MSRB3: variants seen among roughly 807,000 people sequenced by gnomAD.
MSRB3 encodes methionine sulfoxide reductase B3.
A neutral mutation model predicts 21.0 loss-of-function variants in MSRB3; 13 were observed. The ratio of observed to expected loss-of-function variants is 0.62; its 90% confidence interval spans 0.40 to 0.98. MSRB3 has a LOEUF of 0.98. Ranked by LOEUF, MSRB3 falls within the 50% of genes least tolerant of loss-of-function variation. MSRB3 has a pLI of 0.00. For synonymous variants in MSRB3, 87 were observed against 88.6 expected (o/e 0.98, Z 0.10); for missense variants, 199 against 230.3 (o/e 0.86, Z 0.88).
At chr12:65,311,402 T>A (rs989704203) in intron 2 of MSRB3, among the ~76,000 whole-genome samples, 2 of 152,144 alleles carry the variant, frequency 1.3e-5, no homozygotes, top group Non-Finnish European at 2.9e-5. Context: ...GTTATGAAAG[T>A]CAGTCTTTGG....
chr12:65,435,558 T>C (rs1882076061), intron 5 of MSRB3, among the ~76,000 whole-genome samples: 1 of 151,934 alleles, frequency 6.6e-6, no homozygotes, highest in South Asian at 2.1e-4. Flanking sequence ...GAGTAGTACA[T>C]CAAGTTTCTT....
intron 5 of MSRB3, among the ~76,000 whole-genome samples, chr12:65,406,776 G>T (rs1880436911): frequency 6.6e-6 from 1 of 152,150 alleles, no homozygotes; most frequent in African/African-American, 2.4e-5. Context: ...AATGTTAAGA[G>T]CTGGGGTCAT....
At chr12:65,413,777 G>T (rs1206148445) in intron 5 of MSRB3, among the ~76,000 whole-genome samples, 1 of 152,036 alleles carries the variant, frequency 6.6e-6, no homozygotes, top group Admixed American at 6.6e-5. Flanking sequence ...GGAGGTAACT[G>T]CTATTAAAAA....
intron 5 of MSRB3, among the ~76,000 whole-genome samples, chr12:65,392,630 C>T (rs1015749518): frequency 4.6e-5 from 7 of 152,142 alleles, no homozygotes; most frequent in Admixed American, 1.3e-4. Flanking sequence ...CCAAGAAATG[C>T]GATCCTCTCA....
chr12:65,445,292 A>G (rs148435591), intron 5 of MSRB3, among the ~76,000 whole-genome samples: 1 of 151,950 alleles, frequency 6.6e-6, no homozygotes, highest in Non-Finnish European at 1.5e-5. Flanking sequence ...TCTGATATAT[A>G]CGTTTCCATG....
At chr12:65,367,932 T>C (rs376439451) in intron 4 of MSRB3, among the ~76,000 whole-genome samples, 1 of 120,410 alleles carries the variant, frequency 8.3e-6, no homozygotes, top group African/African-American at 2.9e-5. Context: ...CACACACACA[T>C]ACACACAATC....
Position 65,455,353 on chromosome 12 carries a change from A to C in MSRB3, c.390+1528A>C, listed in dbSNP as rs142359896. Reference sequence around the variant, plus strand: ...TTTATCTGAATCACATTTTCAGCTCACTCTTGTTTCTCAGAGTGGAGTCTC... The same window carrying C: ...TTTATCTGAATCACATTTTCAGCTCCCTCTTGTTTCTCAGAGTGGAGTCTC... On this transcript the variant is annotated intron_variant, in intron 6 of 6. Coordinates refer to ENST00000308259, the MANE Select transcript of MSRB3 (RefSeq NM_001031679.3). 1.9e-4 allele frequency among the ~76,000 whole-genome samples: 29 copies of C among 151,726 alleles called. No individual in the cohort carries two copies. The East Asian group carries it at 4.9e-3, about 25-fold the overall frequency.
chr12:65,338,748 A>G (rs1287596251), intron 4 of MSRB3, among the ~76,000 whole-genome samples: 2 of 152,202 alleles, frequency 1.3e-5, no homozygotes, highest in South Asian at 4.1e-4. Context: ...TTTTTCCTCC[A>G]GGCATTTGCC....
intron 5 of MSRB3, among the ~76,000 whole-genome samples, chr12:65,441,888 C>T (rs1882398524): frequency 6.6e-6 from 1 of 151,978 alleles, no homozygotes; most frequent in Admixed American, 6.6e-5. Flanking sequence ...CATGTATCTG[C>T]CTGCCACAAA....
Position 65,464,041 on chromosome 12 carries a change from A to C in MSRB3, c.*719A>C, listed in dbSNP as rs1032043312. On this transcript the variant is annotated 3_prime_UTR_variant, in exon 7 of 7. Transcript: ENST00000308259. ...TGTGATCCCAGCACTTTGGGAGGCC[A>C]AGGCGGGTGGATCACGAGGTCAGGA... 6.6e-6 allele frequency: 1 copy of C among 152,290 alleles called. No homozygotes were observed. Among genetic ancestry groups the C allele is most frequent in the Non-Finnish European group, 1.5e-5 (1 of 68,128 alleles). 9.4% of individuals were successfully genotyped at this position (152,290 alleles called of 1,614,324 possible).
Position 65,463,340 on chromosome 12 carries a change from G to A in MSRB3, c.*18G>A, listed in dbSNP as rs1459559386. ...AGCTCTAGAGTAATGGAGAGTGATG[G>A]AAACAAAGTGTACTTAATGCACAGC... On this transcript the variant is annotated 3_prime_UTR_variant, in exon 7 of 7. Transcript: ENST00000308259. 1 of 1,613,964 alleles carries A rather than the reference G, an allele frequency of 6.2e-7. No homozygotes were observed.
chr12:65,308,698 A>G (rs1359865949), intron 2 of MSRB3, 43 bp downstream of exon 2: 10 of 1,613,386 alleles, frequency 6.2e-6, no homozygotes, highest in Non-Finnish European at 6.8e-6. Context: ...CACAGGGCCA[A>G]CTGGGTGTTT....
intron 5 of MSRB3, among the ~76,000 whole-genome samples, chr12:65,422,936 T>C (rs1222570053): frequency 6.6e-6 from 1 of 151,270 alleles, no homozygotes; most frequent in African/African-American, 2.4e-5. Context: ...TTTTAACAGG[T>C]TTTTGGTGGC....
chr12:65,421,778 A>G (rs778287406), intron 5 of MSRB3, among the ~76,000 whole-genome samples: 18 of 152,214 alleles, frequency 1.2e-4, no homozygotes, highest in Non-Finnish European at 2.5e-4. Context: ...GCAAAAACAC[A>G]TTTAAGTACA....
intron 5 of MSRB3, among the ~76,000 whole-genome samples, chr12:65,376,356 T>C (rs1398299520): frequency 6.6e-6 from 1 of 152,188 alleles, no homozygotes. Flanking sequence ...CCTGACCTCG[T>C]GATCCGCCCG....
intron 5 of MSRB3, among the ~76,000 whole-genome samples, chr12:65,421,768 G>T (rs1881309585): frequency 6.6e-6 from 1 of 152,148 alleles, no homozygotes. Context: ...ACCAGCTGAT[G>T]CAAAAACACA....
chr12:65,385,262 T>G (rs10878267), intron 5 of MSRB3, among the ~76,000 whole-genome samples: 138,590 of 152,052 alleles, frequency 0.91, 64,116 homozygotes, highest in Non-Finnish European at 0.99. Context: ...ATATGAACTG[T>G]TATTAAATCC....
At chr12:65,361,310 A>C (rs1325536352) in intron 4 of MSRB3, among the ~76,000 whole-genome samples, 1 of 152,106 alleles carries the variant, frequency 6.6e-6, no homozygotes, top group East Asian at 1.9e-4. Flanking sequence ...GTAAGACTCA[A>C]AATGGTCATT....
At position 65,309,494 on chromosome 12, in the gene MSRB3, G is replaced by T. The variant is rs115021593; in HGVS notation, c.76+839G>T. ...AGGATACAGTGATAAATAAGGTAAA[G>T]CTGATTTTTTTCAACAAGTACAAGG... On this transcript the variant is annotated intron_variant, in intron 2 of 6. Coordinates refer to ENST00000308259, the MANE Select transcript of MSRB3 (RefSeq NM_001031679.3). 7.9e-3 allele frequency among the ~76,000 whole-genome samples: 1,201 copies of T among 152,244 alleles called. 16 individuals carry two copies. The highest frequency in any genetic ancestry group is 0.027 in the African/African-American group (1,109 of 41,536).
Sources: allele counts gnomAD v4.1 joint callset (sites outside exome capture counted in the v4.1 genomes callset), GRCh38; gene constraint gnomAD v4.1.1; transcripts MANE v1.5; gene names NCBI Gene and HGNC (gene_info 2026-07-23, HGNC 2026-07-21).